Variants in STXBP5L observed in about 807,000 individuals in gnomAD.
STXBP5L encodes the protein syntaxin-binding protein 5-like.
In STXBP5L, 65 loss-of-function variants were observed where a neutral mutation model predicts 144.5. The observed-to-expected ratio is 0.45, with a 90% CI of 0.37 to 0.55. The LOEUF (loss-of-function observed/expected upper bound fraction) is 0.55. STXBP5L is among the 20% of genes least tolerant of loss of function. The pLI is 0.00. For missense variants in STXBP5L, 1,298 were observed against 1,405.5 expected, an observed-to-expected ratio of 0.92 and a Z score of 1.22; for synonymous variants, 505 against 469.6, an observed-to-expected ratio of 1.08 and a Z score of -0.97.
At chr3:121,347,307 T>C (rs2045036981) in intron 20 of STXBP5L, among the ~76,000 whole-genome samples, 1 of 152,190 alleles carries the variant, frequency 6.6e-6, no homozygotes, top group African/African-American at 2.4e-5. Context: ...GTTCCATTGA[T>C]CTATATCTCT....
intron 5 of STXBP5L, among the ~76,000 whole-genome samples, chr3:121,050,596 G>C (rs1032270842): frequency 1.3e-5 from 2 of 152,104 alleles, no homozygotes; most frequent in Non-Finnish European, 2.9e-5. Flanking sequence ...ACTAAACATG[G>C]AAAGGAACAA....
At chr3:121,246,290 T>C (rs541886758) in intron 14 of STXBP5L, among the ~76,000 whole-genome samples, 65 of 152,294 alleles carry the variant, frequency 4.3e-4, no homozygotes, top group Admixed American at 1.4e-3. Flanking sequence ...AACAGTTTCA[T>C]CCCGAATCCA....
At chr3:121,313,208 A>C (rs1352152385) in intron 19 of STXBP5L, among the ~76,000 whole-genome samples, 2 of 116,892 alleles carry the variant, frequency 1.7e-5, no homozygotes, top group Non-Finnish European at 3.4e-5. Context: ...GGCCGGCCGG[A>C]AGGGGGGCTG....
chr3:120,949,041 C>T lies in STXBP5L; in HGVS notation c.190-5899C>T, dbSNP rs370061404. On this transcript the variant is annotated intron_variant, in intron 2 of 26. Coordinates refer to ENST00000471454, the MANE Select transcript of STXBP5L (RefSeq NM_001308330.2). ...TTCCCACCAGCAGTGTAAAAGTGTT[C>T]ACTTTTCACCACATCCACGCCAACA... is the stretch of plus-strand genomic sequence containing the variant. 5.9e-5 allele frequency among the ~76,000 whole-genome samples: 9 copies of T among 152,008 alleles called. No homozygotes were observed. In the East Asian group the frequency reaches 1.2e-3, roughly 20 times the overall value.
chr3:121,231,145 T>C (rs1281342983), intron 11 of STXBP5L, among the ~76,000 whole-genome samples: 1 of 152,186 alleles, frequency 6.6e-6, no homozygotes. Context: ...ATGCACATTG[T>C]GGCCTCAAGA....
intron 20 of STXBP5L, among the ~76,000 whole-genome samples, chr3:121,373,770 C>A (rs2046100579): frequency 1.3e-5 from 2 of 152,176 alleles, no homozygotes; most frequent in Non-Finnish European, 2.9e-5. Flanking sequence ...ATTTGGCTCA[C>A]TACTGGCACC....
At chr3:120,975,416 T>C (rs1940853675) in intron 3 of STXBP5L, among the ~76,000 whole-genome samples, 1 of 152,242 alleles carries the variant, frequency 6.6e-6, no homozygotes, top group Admixed American at 6.5e-5. Flanking sequence ...TTTGCTGAAG[T>C]TGCTTATCAG....
intron 6 of STXBP5L, among the ~76,000 whole-genome samples, chr3:121,117,462 C>T (rs752827382): frequency 1.1e-4 from 17 of 151,752 alleles, no homozygotes; most frequent in Admixed American, 2.0e-4. Context: ...AATTTCCAAT[C>T]TCCTGGAACT....
intron 7 of STXBP5L, among the ~76,000 whole-genome samples, chr3:121,132,438 G>T (rs1169392828): frequency 6.6e-6 from 1 of 152,160 alleles, no homozygotes; most frequent in East Asian, 1.9e-4. Context: ...AGAGTGAGAA[G>T]ATAAAGACCA....
intron 20 of STXBP5L, among the ~76,000 whole-genome samples, chr3:121,345,757 A>G (rs893198520): frequency 6.6e-6 from 1 of 151,994 alleles, no homozygotes; most frequent in South Asian, 2.1e-4. Context: ...CTCTCATGAC[A>G]AGTGATAATA....
chr3:120,994,883 G>A (rs1234210058), intron 3 of STXBP5L, among the ~76,000 whole-genome samples: 9 of 151,714 alleles, frequency 5.9e-5, no homozygotes, highest in African/African-American at 1.9e-4. Context: ...GTAGAACTTG[G>A]CAGTGAAGCC....
chr3:121,288,336 T>C (rs2051303214), intron 19 of STXBP5L, among the ~76,000 whole-genome samples: 1 of 152,212 alleles, frequency 6.6e-6, no homozygotes, highest in Non-Finnish European at 1.5e-5. Flanking sequence ...CCACAAGTTA[T>C]ATTTCTTCGG....
At position 121,004,718 on chromosome 3, in the gene STXBP5L, A is replaced by T. The variant is rs897993400; in HGVS notation, c.288-36982A>T. Among the ~76,000 whole-genome samples, 8 of 152,282 alleles carry T rather than the reference A, an allele frequency of 5.3e-5. No individual in the cohort carries two copies. The South Asian group carries it at 1.7e-3, about 32-fold the overall frequency. The stretch of plus-strand genomic sequence containing the variant: ...TAGATAGCTCTTCTTATTTTGAGAT[A>T]CGTCCCATGAATACCTAATTTTTTG... On this transcript the variant is annotated intron_variant, in intron 3 of 26. Transcript: ENST00000471454.
At chr3:121,111,511 C>A (rs547638118) in intron 5 of STXBP5L, among the ~76,000 whole-genome samples, 53 of 152,306 alleles carry the variant, frequency 3.5e-4, no homozygotes, top group African/African-American at 1.1e-3. Flanking sequence ...GGGGTCCACT[C>A]CAGACCCTAT....
chr3:121,156,768 G>A (rs1199646868), intron 8 of STXBP5L, among the ~76,000 whole-genome samples: 1 of 151,662 alleles, frequency 6.6e-6, no homozygotes, highest in African/African-American at 2.4e-5. Context: ...CAAATAAAAA[G>A]ACAGTATAGT....
intron 7 of STXBP5L, among the ~76,000 whole-genome samples, chr3:121,143,883 A>T (rs1262117835): frequency 6.6e-6 from 1 of 151,660 alleles, no homozygotes; most frequent in East Asian, 1.9e-4. Context: ...AAATATGTAG[A>T]AAAAACGTAG....
chr3:120,965,692 T>G (rs546335067), intron 3 of STXBP5L, among the ~76,000 whole-genome samples: 1 of 152,328 alleles, frequency 6.6e-6, no homozygotes, highest in East Asian at 1.9e-4. Context: ...GACCTTTCTC[T>G]CTGGCTGCCC....
intron 7 of STXBP5L, among the ~76,000 whole-genome samples, chr3:121,144,889 G>A (rs1256826715): frequency 1.3e-5 from 2 of 151,958 alleles, no homozygotes; most frequent in African/African-American, 4.8e-5. Context: ...ATTATGTGAA[G>A]TGAAATGACC....
At chr3:120,945,612 T>G (rs1683982) in intron 2 of STXBP5L, among the ~76,000 whole-genome samples, 32,240 of 151,504 alleles carry the variant, frequency 0.21, 3,613 homozygotes, top group Non-Finnish European at 0.26. Context: ...TTTTTTAACC[T>G]GAGATGCATA....
Sources: gnomAD v4.1 joint callset for allele counts (sites outside exome capture counted in the v4.1 genomes callset) on GRCh38, gnomAD v4.1.1 for gene constraint, MANE v1.5 for transcripts, NCBI Gene and HGNC (gene_info 2026-07-23, HGNC 2026-07-21) for gene names.